The following CEP192 variants were observed in gnomAD, a reference collection of about 807,000 sequenced individuals.
The protein encoded by CEP192 is centrosomal protein of 192 kDa.
CEP192 carries 151 observed loss-of-function variants against 271.8 expected under a neutral mutation model. That is an observed-to-expected ratio of 0.56 (90% CI 0.49 to 0.64). The LOEUF (loss-of-function observed/expected upper bound fraction) is 0.64, where lower values mean the gene tolerates loss of function less well. CEP192 is among the 30% of genes least tolerant of loss of function. The pLI is 0.00. For missense variants in CEP192, 2,910 were observed against 3,020.5 expected (o/e 0.96, Z 0.86); for synonymous variants, 995 against 1,076.5 (o/e 0.92, Z 1.48).
At chr18:13,030,754 C>T (rs2035574509) in intron 11 of CEP192, 146 bp downstream of exon 11, 1 of 628,958 alleles carries the variant, frequency 1.6e-6, no homozygotes, top group African/African-American at 1.8e-5. Flanking sequence ...TTATAGGACC[C>T]AAGGTTTTAG....
chr18:13,017,421 G>T (rs1042887285), intron 7 of CEP192, 85 bp downstream of exon 7: 1 of 1,090,668 alleles, frequency 9.2e-7, no homozygotes, highest in Non-Finnish European at 1.3e-6. Context: ...TGAAATGTAA[G>T]CCTTTGGACT....
chr18:13,018,684 AT>A (rs1234414090), intron 8 of CEP192, 69 bp downstream of exon 8: 3 of 1,086,280 alleles, frequency 2.8e-6, no homozygotes, highest in Non-Finnish European at 3.8e-6. Flanking sequence ...TAAAAAAAAA[AT>A]ATTTCTCTGG....
rs1258500671 is a variant in CEP192, at chr18:12,991,364, T to A, written c.-78T>A. 6.6e-6 allele frequency: 1 copy of A among 152,402 alleles called. No homozygotes were observed. Among genetic ancestry groups the A allele is most frequent in the East Asian group, 1.9e-4 (1 of 5,194 alleles). 9.4% of individuals were successfully genotyped at this position (152,402 alleles called of 1,614,324 possible). A position where few individuals can be genotyped will look rare whatever the true frequency, so the allele number is the denominator to read the frequency against. ...GGGCCACGCGCACGCGCACTTGCAG[T>A]GCCCTGGGACACCTCTTCAGTCCGT... is the stretch of plus-strand genomic sequence containing the variant. On this transcript the variant is annotated 5_prime_UTR_variant, in exon 1 of 45. Coordinates refer to ENST00000506447, the MANE Select transcript of CEP192 (RefSeq NM_032142.4).
chr18:13,092,744 G>A (rs1222170070), intron 34 of CEP192, among the ~76,000 whole-genome samples: 1 of 152,066 alleles, frequency 6.6e-6, no homozygotes, highest in African/African-American at 2.4e-5. Flanking sequence ...CAGACTCACC[G>A]TTGTTAACAG....
At chr18:13,097,580 G>A (rs2039461137) in intron 36 of CEP192, among the ~76,000 whole-genome samples, 1 of 148,116 alleles carries the variant, frequency 6.8e-6, no homozygotes, top group Admixed American at 6.7e-5. Context: ...TTTTTACCGT[G>A]AGTTGCTTTT....
chr18:13,089,004 T>C, intron 32 of CEP192: 1 of 378,500 alleles, frequency 2.6e-6, no homozygotes, highest in African/African-American at 2.1e-5. Flanking sequence ...ATTTTTTTTG[T>C]GGACATCTGA....
In CEP192 at chr18:13,071,171, A is replaced by G. The variant is rs2037992072; in HGVS notation, c.5307A>G (p.Lys1769=). ...ATATTCCATCGATTTTGTCCAACAA[A>G]CAATTTCTGGCTTGGGGAGGAGTCC... The part of the protein sequence containing the change: ...CLDIPSILSN[K]QFLAWGGVPL... Residue 1769 remains lysine, a synonymous_variant, in exon 28 of 45, where the codon AAA becomes AAG. Transcript: ENST00000506447. 1 of 1,614,178 alleles carries G rather than the reference A, an allele frequency of 6.2e-7. No homozygotes were observed. The highest frequency in any genetic ancestry group is 1.7e-5 in the Admixed American group (1 of 60,024).
chr18:13,079,239 T>G (rs1056559086), intron 30 of CEP192, among the ~76,000 whole-genome samples: 2 of 152,248 alleles, frequency 1.3e-5, no homozygotes, highest in Non-Finnish European at 2.9e-5. Context: ...TGAACTAGTT[T>G]ACACTCCCAC....
At chr18:13,098,612 T>A (rs1275695512) in intron 36 of CEP192, among the ~76,000 whole-genome samples, 1 of 146,446 alleles carries the variant, frequency 6.8e-6, no homozygotes, top group Non-Finnish European at 1.5e-5. Context: ...CCTCACTTCC[T>A]AGATGGGATG....
At chr18:13,037,390 T>C (rs1225477718) in intron 12 of CEP192, 89 bp downstream of exon 12, 2 of 603,650 alleles carry the variant, frequency 3.3e-6, no homozygotes, top group Admixed American at 6.3e-5. Flanking sequence ...TCTGAATATA[T>C]GGTTAGTATA....
chr18:13,024,449 G>A, intron 9 of CEP192: 2 of 382,030 alleles, frequency 5.2e-6, no homozygotes, highest in Non-Finnish European at 5.1e-6. Flanking sequence ...TTCAGTTGGT[G>A]TGTTTGTTTG....
intron 35 of CEP192, 145 bp from the exon 36 acceptor site, chr18:13,096,039 G>A: frequency 1.2e-6 from 1 of 835,140 alleles, no homozygotes; most frequent in South Asian, 1.8e-5. Flanking sequence ...TTACTACCAA[G>A]GATTGGAAAT....
chr18:13,047,695 A>G (rs1189639940), intron 15 of CEP192, among the ~76,000 whole-genome samples: 2 of 151,994 alleles, frequency 1.3e-5, no homozygotes, highest in Non-Finnish European at 1.5e-5. Context: ...CTTAACATGT[A>G]TTTTTTGTTG....
Position 13,096,167 on chromosome 18 carries a change from T to A in CEP192, c.6434-17T>A. 6.2e-7 allele frequency: 1 copy of A among 1,612,552 alleles called. No individual in the cohort carries two copies. The highest frequency in any genetic ancestry group is 8.5e-7 in the Non-Finnish European group (1 of 1,179,182). ...GTTGTTAAATGTAAGTCACATTTTA[T>A]GTATCTGACAAAATAGGTGACATGG... On this transcript the variant is annotated splice_polypyrimidine_tract_variant and intron_variant, in intron 35 of 44. Coordinates refer to ENST00000506447, the MANE Select transcript of CEP192 (RefSeq NM_032142.4).
intron 21 of CEP192, among the ~76,000 whole-genome samples, chr18:13,065,748 A>C (rs559745268): frequency 3.3e-5 from 5 of 152,360 alleles, no homozygotes; most frequent in African/African-American, 9.6e-5. Context: ...GGCAGAAAAA[A>C]GTTAAATTAA....
At chr18:13,095,768 A>G in intron 35 of CEP192, 87 bp downstream of exon 35, 1 of 1,150,384 alleles carries the variant, frequency 8.7e-7, no homozygotes, top group Non-Finnish European at 1.2e-6. Context: ...TCCAAGACAC[A>G]CATGGGCTCC....
intron 33 of CEP192, among the ~76,000 whole-genome samples, chr18:13,090,595 A>G (rs760301832): frequency 6.6e-6 from 1 of 152,274 alleles, no homozygotes; most frequent in East Asian, 1.9e-4. Flanking sequence ...TGAACTTTTC[A>G]TTAAGTGGGG....
In CEP192 at chr18:13,121,398, T is replaced by C. The variant is rs535075759; in HGVS notation, c.7476-3234T>C. On this transcript the variant is annotated intron_variant, in intron 44 of 44. Coordinates refer to ENST00000506447, the MANE Select transcript of CEP192 (RefSeq NM_032142.4). ...CCTGGTGGGGCTGCTCTCCGAAAGC[T>C]CCAGCACTAGCACAGGAAAGTGGCT... 1.0e-3 allele frequency among the ~76,000 whole-genome samples: 159 copies of C among 152,300 alleles called. 1 individual carries two copies. The highest frequency in any genetic ancestry group is 4.0e-4 in the Non-Finnish European group (27 of 68,028).
intron 3 of CEP192, 105 bp downstream of exon 3, chr18:13,001,687 C>A: frequency 7.0e-6 from 8 of 1,141,860 alleles, no homozygotes; most frequent in Non-Finnish European, 8.3e-6. Flanking sequence ...CTGATTAATT[C>A]TAAGAATCTT....
Sources: gnomAD v4.1 joint callset for allele counts (sites outside exome capture counted in the v4.1 genomes callset) on GRCh38, gnomAD v4.1.1 for gene constraint, MANE v1.5 for transcripts, NCBI Gene and HGNC (gene_info 2026-07-23, HGNC 2026-07-21) for gene names.